Variants in CAMKMT observed in about 807,000 individuals in gnomAD.
CAMKMT encodes the protein calmodulin-lysine N-methyltransferase, also known as CaM KMT.
Under a neutral mutation model 48.0 loss-of-function variants are expected in CAMKMT, and 53 were observed. That is an observed-to-expected ratio of 1.10 (90% CI 0.89 to 1.39). The LOEUF (loss-of-function observed/expected upper bound fraction) is 1.39. Ranked by LOEUF, CAMKMT falls within the 40% of genes most tolerant of loss-of-function variation. The pLI is 0.00. For synonymous variants in CAMKMT, 165 were observed against 152.3 expected, an observed-to-expected ratio of 1.08 and a Z score of -0.61; for missense variants, 428 against 402.7, an observed-to-expected ratio of 1.06 and a Z score of -0.54.
chr2:44,380,050 T>G (rs1462346115), intron 2 of CAMKMT, among the ~76,000 whole-genome samples: 2 of 152,194 alleles, frequency 1.3e-5, no homozygotes, highest in Non-Finnish European at 2.9e-5. Context: ...ATCCATGGCT[T>G]GCTTTTCACC....
At chr2:44,433,289 C>G (rs1684757084) in intron 3 of CAMKMT, among the ~76,000 whole-genome samples, 1 of 151,974 alleles carries the variant, frequency 6.6e-6, no homozygotes, top group Non-Finnish European at 1.5e-5. Context: ...TTCAGGTAAG[C>G]CAAGATCTGG....
intron 3 of CAMKMT, among the ~76,000 whole-genome samples, chr2:44,614,336 T>C (rs1671756447): frequency 6.6e-6 from 1 of 152,240 alleles, no homozygotes; most frequent in African/African-American, 2.4e-5. Flanking sequence ...ATACAGTTCC[T>C]GTCTGGTGAG....
At chr2:44,673,027 G>T (rs895611827) in intron 3 of CAMKMT, among the ~76,000 whole-genome samples, 1 of 152,096 alleles carries the variant, frequency 6.6e-6, no homozygotes, top group African/African-American at 2.4e-5. Context: ...GATCTTAATT[G>T]TGTATTTCTT....
At chr2:44,414,757 A>G (rs1275929518) in intron 3 of CAMKMT, among the ~76,000 whole-genome samples, 1 of 152,160 alleles carries the variant, frequency 6.6e-6, no homozygotes, top group Non-Finnish European at 1.5e-5. Context: ...CTCGTGATGG[A>G]TATCATCATT....
intron 3 of CAMKMT, among the ~76,000 whole-genome samples, chr2:44,470,931 TGAATATTAG>T (rs1668379143): frequency 6.6e-6 from 1 of 152,092 alleles, no homozygotes; most frequent in Non-Finnish European, 1.5e-5. Flanking sequence ...GAGAGCTCTT[TGAATATTAG>T]GAATATTAAT....
intron 3 of CAMKMT, among the ~76,000 whole-genome samples, chr2:44,506,036 T>A (rs1353282895): frequency 6.6e-6 from 1 of 151,876 alleles, no homozygotes; most frequent in Non-Finnish European, 1.5e-5. Context: ...TGTATTTTTT[T>A]ATAGAGACAG....
intron 3 of CAMKMT, among the ~76,000 whole-genome samples, chr2:44,503,979 G>C (rs1482761261): frequency 7.8e-6 from 1 of 128,110 alleles, no homozygotes; most frequent in South Asian, 2.9e-4. Context: ...GGGAAGAGCG[G>C]GTGGGGAGAG....
chr2:44,455,807 G>A (rs1368643543), intron 3 of CAMKMT, among the ~76,000 whole-genome samples: 6 of 152,082 alleles, frequency 3.9e-5, no homozygotes, highest in Non-Finnish European at 5.9e-5. Flanking sequence ...CTTAATTTGT[G>A]TAATCTATTG....
rs941321143 is a variant in CAMKMT at position 44,409,800 on chromosome 2, G to A, written c.376+19495G>A. Among the ~76,000 whole-genome samples, 4 of 152,076 alleles carry A rather than the reference G, an allele frequency of 2.6e-5. No individual in the cohort carries two copies. In the East Asian group the frequency reaches 5.8e-4, roughly 22 times the overall value. Reference sequence around the variant, plus strand: ...TTTTTAATTGTCAAAATGCAGAGAAGCAATATGATGGAGATGTATGTAAGG... The same window carrying A: ...TTTTTAATTGTCAAAATGCAGAGAAACAATATGATGGAGATGTATGTAAGG... On this transcript the variant is annotated intron_variant, in intron 3 of 10. Transcript: ENST00000378494.
At chr2:44,686,739 C>T (rs1348691790) in intron 3 of CAMKMT, among the ~76,000 whole-genome samples, 11 of 152,214 alleles carry the variant, frequency 7.2e-5, no homozygotes, top group Admixed American at 3.9e-4. Flanking sequence ...TCCTGAGAAG[C>T]TGATGACTAA....
chr2:44,500,485 T>TTCC lies in CAMKMT; in HGVS notation c.376+110182_376+110184dup, dbSNP rs559573494. ...TCATCTAGTTTATAAGATTAATTTT[T>TTCC]TCCTGGATTATTGTAGGAAAAAAAC... On this transcript the variant is annotated intron_variant, in intron 3 of 10. Transcript: ENST00000378494. Among the ~76,000 whole-genome samples the TTCC allele has an allele frequency of 3.7e-4, 57 of 152,260 alleles. No individual in the cohort carries two copies. In the East Asian group the frequency reaches 7.1e-3, roughly 19 times the overall value.
chr2:44,574,879 T>C (rs1471065137), intron 3 of CAMKMT, among the ~76,000 whole-genome samples: 1 of 151,712 alleles, frequency 6.6e-6, no homozygotes, highest in Non-Finnish European at 1.5e-5. Flanking sequence ...TAGCTGGGAC[T>C]ACAGGCATGA....
intron 3 of CAMKMT, among the ~76,000 whole-genome samples, chr2:44,678,022 T>G (rs1675811096): frequency 6.6e-6 from 1 of 151,708 alleles, no homozygotes; most frequent in African/African-American, 2.4e-5. Flanking sequence ...CAATGGGAAA[T>G]AACTCTTTAC....
chr2:44,694,250 T>C (rs73924526), intron 3 of CAMKMT, among the ~76,000 whole-genome samples: 6,897 of 152,278 alleles, frequency 0.045, 477 homozygotes, highest in African/African-American at 0.16. Flanking sequence ...GTGCTGTTTG[T>C]TTCCAGATTA....
intron 9 of CAMKMT, among the ~76,000 whole-genome samples, chr2:44,762,114 G>C (rs1680645104): frequency 1.3e-5 from 2 of 152,208 alleles, no homozygotes; most frequent in Non-Finnish European, 1.5e-5. Flanking sequence ...GGTCAGAGAA[G>C]AGAAGCTACA....
Position 44,422,217 on chromosome 2 carries a change from A to T in CAMKMT, c.376+31912A>T, listed in dbSNP as rs150821705. Among the ~76,000 whole-genome samples, 268 of 152,262 alleles carry T rather than the reference A, an allele frequency of 1.8e-3. 1 individual carries two copies. The highest frequency in any genetic ancestry group is 2.5e-3 in the Non-Finnish European group (169 of 68,006). Reference sequence around the variant, plus strand: ...CCTCGCTTGCACTGTCTCATGAGTAAAAGCTCCCTGAGGCCTCACCGGAAG... The same window carrying T: ...CCTCGCTTGCACTGTCTCATGAGTATAAGCTCCCTGAGGCCTCACCGGAAG... On this transcript the variant is annotated intron_variant, in intron 3 of 10. Transcript: ENST00000378494.
Position 44,754,203 on chromosome 2 carries a change from G to A in CAMKMT, c.762+85G>A, listed in dbSNP as rs1187569638. On this transcript the variant is annotated intron_variant, in intron 9 of 10. Transcript: ENST00000378494. ...AGATGGAGAGAGTAATGGAATGGCAGGATTAATGTCATGTAATACTTTAAT... is the reference window on the plus strand; with the variant it reads ...AGATGGAGAGAGTAATGGAATGGCAAGATTAATGTCATGTAATACTTTAAT... 4.8e-6 allele frequency: 5 copies of A among 1,035,358 alleles called. No homozygotes were observed. The African/African-American group carries it at 6.3e-5, about 13-fold the overall frequency. The allele number at this position is 1,035,358 out of a possible 1,614,324, so 64.1% of individuals were successfully genotyped here.
intron 3 of CAMKMT, among the ~76,000 whole-genome samples, chr2:44,406,698 G>A (rs1436315472): frequency 6.6e-6 from 1 of 152,170 alleles, no homozygotes; most frequent in Non-Finnish European, 1.5e-5. Context: ...CTGGACCCAG[G>A]TGATCCTCCC....
At chr2:44,368,788 G>T (rs2104345830) in intron 1 of CAMKMT, among the ~76,000 whole-genome samples, 1 of 152,152 alleles carries the variant, frequency 6.6e-6, no homozygotes, top group African/African-American at 2.4e-5. Flanking sequence ...TTAATACTTT[G>T]TTTTTTCCTA....
Sources: allele counts gnomAD v4.1 joint callset (sites outside exome capture counted in the v4.1 genomes callset), GRCh38; gene constraint gnomAD v4.1.1; transcripts MANE v1.5; gene names NCBI Gene and HGNC (gene_info 2026-07-23, HGNC 2026-07-21).